THSD7A: variants seen among roughly 807,000 people sequenced by gnomAD.
The protein encoded by THSD7A is thrombospondin type-1 domain-containing protein 7A.
Under a neutral mutation model 231.3 loss-of-function variants are expected in THSD7A, and 96 were observed. That is an observed-to-expected ratio of 0.41 (90% CI 0.35 to 0.49). The LOEUF (loss-of-function observed/expected upper bound fraction) is 0.49. Ranked by LOEUF, THSD7A falls within the 20% of genes least tolerant of loss-of-function variation. The pLI is 0.05. For synonymous variants in THSD7A, 940 were observed against 743.3 expected (o/e 1.26, Z -4.30); for missense variants, 2,290 against 2,070.2 (o/e 1.11, Z -2.06).
chr7:11,622,044 G>A (rs539348155), intron 2 of THSD7A, among the ~76,000 whole-genome samples: 90 of 152,200 alleles, frequency 5.9e-4, no homozygotes, highest in African/African-American at 1.8e-3. Flanking sequence ...CAGTTTTTCT[G>A]GCTAGTGTGA....
intron 22 of THSD7A, among the ~76,000 whole-genome samples, chr7:11,403,862 G>A (rs551496742): frequency 2.0e-5 from 3 of 151,920 alleles, no homozygotes; most frequent in Non-Finnish European, 4.4e-5. Context: ...AAAATTACCC[G>A]ATGCCTGCCA....
chr7:11,681,084 A>T (rs1045040389), intron 1 of THSD7A, among the ~76,000 whole-genome samples: 3 of 152,148 alleles, frequency 2.0e-5, no homozygotes, highest in African/African-American at 7.2e-5. Flanking sequence ...CATCATTCTC[A>T]GCAAACTAAC....
chr7:11,479,154 G>A (rs1786321279), intron 7 of THSD7A, among the ~76,000 whole-genome samples: 1 of 152,168 alleles, frequency 6.6e-6, no homozygotes. Context: ...CCATGAGGAA[G>A]AAGTAAATAA....
chr7:11,726,987 C>A (rs1461154069), intron 1 of THSD7A, among the ~76,000 whole-genome samples: 1 of 152,048 alleles, frequency 6.6e-6, no homozygotes, highest in South Asian at 2.1e-4. Context: ...ACAAGAGCGA[C>A]GTGATACATG....
At chr7:11,480,042 AATT>A (rs1562643867) in intron 7 of THSD7A, among the ~76,000 whole-genome samples, 1 of 151,878 alleles carries the variant, frequency 6.6e-6, no homozygotes, top group Non-Finnish European at 1.5e-5. Flanking sequence ...CTATATATAC[AATT>A]ATTACACGTC....
chr7:11,772,176 C>T (rs1034227671), intron 1 of THSD7A, among the ~76,000 whole-genome samples: 2 of 151,292 alleles, frequency 1.3e-5, no homozygotes, highest in East Asian at 3.9e-4. Flanking sequence ...TATCTCACAC[C>T]AGTCAGAATT....
chr7:11,516,878 A>T (rs1004064997), intron 6 of THSD7A, among the ~76,000 whole-genome samples: 4 of 152,200 alleles, frequency 2.6e-5, no homozygotes, highest in Non-Finnish European at 5.9e-5. Context: ...AAAAGGACAT[A>T]TACATCACTA....
At chr7:11,550,171 G>A (rs1486838605) in intron 4 of THSD7A, among the ~76,000 whole-genome samples, 1 of 152,000 alleles carries the variant, frequency 6.6e-6, no homozygotes, top group Admixed American at 6.6e-5. Context: ...ATGAAATTCA[G>A]CAGAATATCC....
At chr7:11,497,509 C>G (rs1346106952) in intron 6 of THSD7A, among the ~76,000 whole-genome samples, 1 of 152,146 alleles carries the variant, frequency 6.6e-6, no homozygotes. Context: ...AAGCCAATTA[C>G]CAATCCAATG....
Position 11,636,994 on chromosome 7 carries a change from C to A in THSD7A, c.191-33G>T. Reference sequence around the variant, plus strand: ...AATTATAACACAAAAATTAGCAGTGCTACTAGAAGAAAACTACAAGTTACT... The same window carrying A: ...AATTATAACACAAAAATTAGCAGTGATACTAGAAGAAAACTACAAGTTACT... On this transcript the variant is annotated intron_variant, in intron 1 of 27. Transcript: ENST00000423059. The surrounding 1 kb of genome is among the most constrained non-coding windows in gnomAD (Gnocchi z 10.0). 6.4e-7 allele frequency: 1 copy of A among 1,561,924 alleles called. No homozygotes were observed. Among genetic ancestry groups the A allele is most frequent in the South Asian group, 1.2e-5 (1 of 85,434 alleles).
chr7:11,515,643 T>C (rs1258881711), intron 6 of THSD7A, among the ~76,000 whole-genome samples: 1 of 152,130 alleles, frequency 6.6e-6, no homozygotes, highest in East Asian at 1.9e-4. Context: ...AGAGATCTTT[T>C]ATATATATAT....
intron 9 of THSD7A, among the ~76,000 whole-genome samples, chr7:11,465,568 C>A (rs1353940025): frequency 2.0e-5 from 3 of 150,996 alleles, no homozygotes; most frequent in African/African-American, 4.9e-5. Context: ...AAAAGGCAGG[C>A]AAAACTGATT....
At chr7:11,659,334 T>C (rs146217791) in intron 1 of THSD7A, among the ~76,000 whole-genome samples, 2 of 151,718 alleles carry the variant, frequency 1.3e-5, no homozygotes, top group African/African-American at 2.4e-5. Flanking sequence ...GCAAATTTGT[T>C]CATGTCACTT....
intron 1 of THSD7A, among the ~76,000 whole-genome samples, chr7:11,711,582 G>A (rs1780967575): frequency 6.6e-6 from 1 of 151,000 alleles, no homozygotes; most frequent in African/African-American, 2.4e-5. Context: ...AATTGTTATA[G>A]GGATTACATG....
intron 1 of THSD7A, among the ~76,000 whole-genome samples, chr7:11,769,141 A>ATTTTTT (rs1562541275): frequency 8.6e-5 from 3 of 34,972 alleles, no homozygotes; most frequent in East Asian, 5.0e-4. Flanking sequence ...ATATATATAT[A>ATTTTTT]TATATATATA....
At chr7:11,572,952 G>T (rs1790711682) in intron 4 of THSD7A, among the ~76,000 whole-genome samples, 5 of 152,048 alleles carry the variant, frequency 3.3e-5, no homozygotes, top group Admixed American at 2.6e-4. Flanking sequence ...CCTCGATTAT[G>T]TCATCTTCCT....
At chr7:11,743,985 T>G (rs953354716) in intron 1 of THSD7A, among the ~76,000 whole-genome samples, 3 of 151,912 alleles carry the variant, frequency 2.0e-5, no homozygotes, top group African/African-American at 7.2e-5. Context: ...TATAGACCAG[T>G]GGTTAGACAC....
At chr7:11,570,156 G>C (rs535013353) in intron 4 of THSD7A, among the ~76,000 whole-genome samples, 2 of 151,818 alleles carry the variant, frequency 1.3e-5, no homozygotes, top group Admixed American at 6.6e-5. Flanking sequence ...AGGTGGCAGA[G>C]CAAGATCTTG....
At chr7:11,594,082 C>CAAAG (rs1780270551) in intron 2 of THSD7A, among the ~76,000 whole-genome samples, 1 of 152,114 alleles carries the variant, frequency 6.6e-6, no homozygotes. Context: ...GAATATAAAG[C>CAAAG]AATCAGAAAA....
Sources: gnomAD v4.1 joint callset for allele counts (sites outside exome capture counted in the v4.1 genomes callset) on GRCh38, gnomAD v4.1.1 for gene constraint, Gnocchi (gnomAD v3.1) non-coding constraint, MANE v1.5 for transcripts, NCBI Gene and HGNC (gene_info 2026-07-23, HGNC 2026-07-21) for gene names.